NCEH1: variants seen among roughly 807,000 people sequenced by gnomAD.
NCEH1 encodes the protein neutral cholesterol ester hydrolase 1, also known as 2-acetyl MAGE hydrolase.
In NCEH1, 9 loss-of-function variants were observed where a neutral mutation model predicts 25.4. The ratio of observed to expected loss-of-function variants is 0.35; its 90% CI spans 0.21 to 0.62. The LOEUF is 0.62. Among genes scored for constraint, NCEH1 ranks in the 20% least tolerant of loss-of-function variants. NCEH1 has a pLI of 0.72. For missense variants in NCEH1, 412 were observed against 501.1 expected (o/e 0.82, Z 1.70); for synonymous variants, 200 against 199.8 (o/e 1.00, Z -0.01).
intron 1 of NCEH1, among the ~76,000 whole-genome samples, chr3:172,668,067 G>A (rs1038402006): frequency 2.0e-5 from 3 of 152,196 alleles, no homozygotes; most frequent in Admixed American, 1.3e-4. Flanking sequence ...GTACATAAAA[G>A]CTTTCCAAAA....
At chr3:172,648,458 A>ATATCAC (rs1432059176) in intron 1 of NCEH1, among the ~76,000 whole-genome samples, 2 of 152,150 alleles carry the variant, frequency 1.3e-5, no homozygotes, top group African/African-American at 4.8e-5. Context: ...CTAAATAAGT[A>ATATCAC]TATCACAGTT....
At position 172,677,603 on chromosome 3, in the gene NCEH1, G is replaced by T. The variant is rs558302606; in HGVS notation, c.139-29489C>A. Among the ~76,000 whole-genome samples the T allele has an allele frequency of 1.0e-4, 15 of 149,592 alleles. 1 individual carries two copies. The South Asian group carries it at 3.3e-3, about 33-fold the overall frequency. ...TTAGAGAAGTTAAATGCTTTGCTCA[G>T]GATCATAAAGCCCTAAGTGACAAAG... is the stretch of plus-strand genomic sequence containing the variant. On this transcript the variant is annotated intron_variant, in intron 1 of 4. Coordinates refer to ENST00000475381, the MANE Select transcript of NCEH1 (RefSeq NM_020792.6).
chr3:172,692,177 A>T (rs10936729), intron 1 of NCEH1, among the ~76,000 whole-genome samples: 16,196 of 152,126 alleles, frequency 0.11, 1,078 homozygotes, highest in East Asian at 0.14. Flanking sequence ...TGACCGTCTG[A>T]AGTAATACAT....
intron 1 of NCEH1, among the ~76,000 whole-genome samples, chr3:172,661,518 G>A (rs1717971918): frequency 6.6e-6 from 1 of 152,146 alleles, no homozygotes; most frequent in African/African-American, 2.4e-5. Flanking sequence ...AAGAGTCATT[G>A]GTAGCTTGAT....
chr3:172,652,602 C>T (rs908238910), intron 1 of NCEH1, among the ~76,000 whole-genome samples: 20 of 152,194 alleles, frequency 1.3e-4, no homozygotes, highest in African/African-American at 4.1e-4. Context: ...AGGATGAAGG[C>T]TTAAAATATA....
chr3:172,648,778 G>A (rs1213336320), intron 1 of NCEH1, among the ~76,000 whole-genome samples: 1 of 152,182 alleles, frequency 6.6e-6, no homozygotes, highest in Non-Finnish European at 1.5e-5. Flanking sequence ...CATACTGCCT[G>A]ATGGTCTCTT....
intron 1 of NCEH1, among the ~76,000 whole-genome samples, chr3:172,676,351 T>C (rs1380427710): frequency 1.3e-5 from 2 of 152,114 alleles, no homozygotes; most frequent in African/African-American, 2.4e-5. Flanking sequence ...ACTCCTGCCT[T>C]CTTCTTGTCA....
At chr3:172,653,631 C>T (rs1398061980) in intron 1 of NCEH1, among the ~76,000 whole-genome samples, 1 of 151,934 alleles carries the variant, frequency 6.6e-6, no homozygotes, top group African/African-American at 2.4e-5. Context: ...CCCTCAATTA[C>T]ATCTTAGATG....
intron 1 of NCEH1, among the ~76,000 whole-genome samples, chr3:172,704,503 C>G (rs953179571): frequency 4.6e-5 from 7 of 152,194 alleles, no homozygotes; most frequent in African/African-American, 1.7e-4. Flanking sequence ...GGTTTATCAT[C>G]CTTCACTTGA....
intron 1 of NCEH1, among the ~76,000 whole-genome samples, chr3:172,690,605 T>C (rs571855173): frequency 6.6e-6 from 1 of 152,330 alleles, no homozygotes; most frequent in Admixed American, 6.5e-5. Context: ...AAACAGATTA[T>C]ACAATATGTC....
At position 172,665,122 on chromosome 3, in the gene NCEH1, G is replaced by A. The variant is rs191920577; in HGVS notation, c.139-17008C>T. 2.2e-3 allele frequency among the ~76,000 whole-genome samples: 336 copies of A among 152,248 alleles called. 2 individuals carry two copies. The highest frequency in any genetic ancestry group is 7.6e-3 in the African/African-American group (317 of 41,550). On this transcript the variant is annotated intron_variant, in intron 1 of 4. Transcript: ENST00000475381. ...TTATCTACCTTTGGTCTTTGATGAT[G>A]GTGACCTACAGATGGGGTTTTGGTG...
At chr3:172,644,161 T>A (rs914448073) in intron 3 of NCEH1, among the ~76,000 whole-genome samples, 11 of 151,872 alleles carry the variant, frequency 7.2e-5, no homozygotes, top group African/African-American at 2.7e-4. Context: ...TCTAGGGCTT[T>A]GGGGTGACTC....
intron 1 of NCEH1, among the ~76,000 whole-genome samples, chr3:172,669,690 C>A (rs1383486347): frequency 2.0e-5 from 3 of 152,330 alleles, no homozygotes; most frequent in African/African-American, 4.8e-5. Context: ...GCACCTGCCA[C>A]CACACCCAAC....
intron 1 of NCEH1, among the ~76,000 whole-genome samples, chr3:172,659,716 T>C (rs1002099014): frequency 5.9e-5 from 9 of 152,184 alleles, no homozygotes; most frequent in African/African-American, 9.7e-5. Flanking sequence ...GCTTCACATA[T>C]TTACCCAAAG....
In NCEH1 at chr3:172,653,981, T is replaced by C. The variant is rs970896556; in HGVS notation, c.139-5867A>G. 4.6e-5 allele frequency among the ~76,000 whole-genome samples: 7 copies of C among 152,214 alleles called. No individual in the cohort carries two copies. The South Asian group carries it at 6.2e-4, about 14-fold the overall frequency. ...TGTGCTGGCTAGGATGGTCTCGATC[T>C]CCTGACCTCATGATCCTCCCGCCTT... On this transcript the variant is annotated intron_variant, in intron 1 of 4. Coordinates refer to ENST00000475381, the MANE Select transcript of NCEH1 (RefSeq NM_020792.6).
At chr3:172,692,076 C>T (rs1713094275) in intron 1 of NCEH1, among the ~76,000 whole-genome samples, 2 of 152,012 alleles carry the variant, frequency 1.3e-5, no homozygotes, top group East Asian at 1.9e-4. Context: ...AGATCCACCC[C>T]TTTTGACAAA....
intron 1 of NCEH1, among the ~76,000 whole-genome samples, chr3:172,664,292 C>T (rs1009893285): frequency 6.6e-6 from 1 of 152,208 alleles, no homozygotes; most frequent in Non-Finnish European, 1.5e-5. Context: ...TTGGCCCCCA[C>T]TCTCGTCTGG....
intron 1 of NCEH1, among the ~76,000 whole-genome samples, chr3:172,653,757 TTTG>T (rs1560186543): frequency 4.2e-5 from 3 of 71,102 alleles, no homozygotes; most frequent in African/African-American, 1.5e-4. Flanking sequence ...TTTTTGTTTT[TTTG>T]TTTTTTTTTT....
chr3:172,655,759 A>C (rs950013858), intron 1 of NCEH1, among the ~76,000 whole-genome samples: 1 of 152,200 alleles, frequency 6.6e-6, no homozygotes, highest in Non-Finnish European at 1.5e-5. Flanking sequence ...TTCTGGGAGG[A>C]TTTAGGCCAC....
Sources: allele counts gnomAD v4.1 joint callset (sites outside exome capture counted in the v4.1 genomes callset), GRCh38; gene constraint gnomAD v4.1.1; transcripts MANE v1.5; gene names NCBI Gene and HGNC (gene_info 2026-07-23, HGNC 2026-07-21).